MAF: variants seen among roughly 807,000 people sequenced by gnomAD.
MAF encodes the protein MAF bZIP transcription factor, also known as transcription factor Maf.
Under a neutral mutation model 22.0 loss-of-function variants are expected in MAF, and 10 were observed. The observed-to-expected ratio is 0.45, with a 90% CI of 0.28 to 0.77. The LOEUF is 0.77. MAF is among the 30% of genes least tolerant of loss of function. The pLI is 0.12. For missense variants in MAF, 544 were observed against 548.4 expected (o/e 0.99, Z 0.08); for synonymous variants, 337 against 255.8 (o/e 1.32, Z -3.03).
At position 79,594,238 on chromosome 16, in the gene MAF, A is replaced by C; in HGVS notation, c.*222T>G. The C allele has an allele frequency of 5.5e-6, 3 of 541,020 alleles. No homozygotes were observed. In the South Asian group the frequency reaches 6.6e-5, roughly 12 times the overall value. 33.5% of individuals were successfully genotyped at this position (541,020 alleles called of 1,614,324 possible). A position where few individuals can be genotyped will look rare whatever the true frequency, so the allele number is the denominator to read the frequency against. On this transcript the variant is annotated 3_prime_UTR_variant, in exon 2 of 2. Transcript: ENST00000326043. ...AAGCAATGCACCTGTTTACTTGCAC[A>C]CACCATAAATCGAAAAGCAGGAGTG... is the stretch of plus-strand genomic sequence containing the variant.
the MAF span, among the ~76,000 whole-genome samples, chr16:79,442,644 T>A: frequency 1.3e-5 from 2 of 152,210 alleles, no homozygotes; most frequent in South Asian, 2.1e-4. Flanking sequence ...ACTCCTGGGT[T>A]CAAAGGATCC....
the MAF span, among the ~76,000 whole-genome samples, chr16:79,377,589 T>C: frequency 1.3e-5 from 2 of 152,220 alleles, no homozygotes; most frequent in African/African-American, 4.8e-5. Context: ...GTTTTAGACA[T>C]GAAGTCCTTG....
the MAF span, among the ~76,000 whole-genome samples, chr16:79,567,772 T>C: frequency 6.6e-6 from 1 of 152,230 alleles, no homozygotes; most frequent in Non-Finnish European, 1.5e-5. Flanking sequence ...GGCTTTCCTA[T>C]GTCTAGGGAG....
chr16:79,449,324 T>C, the MAF span, among the ~76,000 whole-genome samples: 180 of 152,302 alleles, frequency 1.2e-3, 1 homozygote, highest in South Asian at 0.024. Flanking sequence ...GGCCCGAAGG[T>C]TGGGGAACCC....
the MAF span, among the ~76,000 whole-genome samples, chr16:79,544,902 C>G: frequency 5.9e-5 from 9 of 152,064 alleles, no homozygotes; most frequent in African/African-American, 2.2e-4. Context: ...AGGTGCTAAC[C>G]TAATAACGAG....
At chr16:79,431,121 C>G in the MAF span, among the ~76,000 whole-genome samples, 2 of 152,160 alleles carry the variant, frequency 1.3e-5, no homozygotes, top group Non-Finnish European at 2.9e-5. Flanking sequence ...CCAGGGTACA[C>G]AGCTTGGGGA....
the MAF span, among the ~76,000 whole-genome samples, chr16:79,449,014 G>A: frequency 8.5e-5 from 13 of 152,246 alleles, no homozygotes; most frequent in African/African-American, 3.1e-4. Flanking sequence ...TGGGAACCCC[G>A]AGATTGTTTT....
the MAF span, among the ~76,000 whole-genome samples, chr16:79,574,760 G>A: frequency 2.6e-4 from 39 of 152,266 alleles, 1 homozygote; most frequent in South Asian, 2.5e-3. Context: ...TTACCTGACT[G>A]CCTTGGGCTT....
At chr16:79,283,141 T>G in the MAF span, among the ~76,000 whole-genome samples, 1 of 152,234 alleles carries the variant, frequency 6.6e-6, no homozygotes, top group Non-Finnish European at 1.5e-5. Flanking sequence ...GCATTGTGAA[T>G]GTCCTTCACA....
the MAF span, among the ~76,000 whole-genome samples, chr16:79,537,425 A>G: frequency 0.74 from 112,301 of 152,080 alleles, 44,334 homozygotes; most frequent in Non-Finnish European, 0.88. Flanking sequence ...AAAGGGAGGC[A>G]CTATTGCAAT....
chr16:79,502,908 C>G, the MAF span, among the ~76,000 whole-genome samples: 1 of 150,846 alleles, frequency 6.6e-6, no homozygotes, highest in South Asian at 2.1e-4. Context: ...TCAAATTCAT[C>G]AAACAGTACA....
At chr16:79,338,378 G>C in the MAF span, among the ~76,000 whole-genome samples, 1 of 152,132 alleles carries the variant, frequency 6.6e-6, no homozygotes, top group African/African-American at 2.4e-5. Context: ...TATTCTGTAA[G>C]GGAGTGACAG....
the MAF span, among the ~76,000 whole-genome samples, chr16:79,266,563 A>G: frequency 6.6e-6 from 1 of 152,182 alleles, no homozygotes; most frequent in African/African-American, 2.4e-5. Context: ...TCTTTCTGGA[A>G]ATAGCCATAT....
At chr16:79,212,064 T>TTGGC in the MAF span, 1 of 1,535,768 alleles carries the variant, frequency 6.5e-7, no homozygotes, top group Non-Finnish European at 8.7e-7. Context: ...ACCTGCTTGG[T>TTGGC]GTGTAGGTTC....
the MAF span, among the ~76,000 whole-genome samples, chr16:79,354,041 G>A: frequency 2.0e-5 from 3 of 151,844 alleles, no homozygotes; most frequent in Non-Finnish European, 4.4e-5. Flanking sequence ...CATCACCCAG[G>A]CTGGAGTGCA....
the MAF span, among the ~76,000 whole-genome samples, chr16:79,525,371 C>G: frequency 6.6e-6 from 1 of 152,120 alleles, no homozygotes; most frequent in Non-Finnish European, 1.5e-5. Flanking sequence ...CGGCTCTGTC[C>G]ACGGCCATGC....
chr16:79,328,321 G>C, the MAF span, among the ~76,000 whole-genome samples: 1 of 151,934 alleles, frequency 6.6e-6, no homozygotes, highest in African/African-American at 2.4e-5. Context: ...GCATTTGGAA[G>C]AGCCTAGAGA....
In MAF at chr16:79,600,272, C is replaced by A; in HGVS notation, c.-370G>T. On this transcript the variant is annotated 5_prime_UTR_variant, in exon 1 of 2. Transcript: ENST00000326043. ...CGGCGGCGAAGCTGGAGGAGCCCGG[C>A]CCGGTGCGCGGCGTCCCCCGCTCGC... is the stretch of plus-strand genomic sequence containing the variant. 1 of 233,624 alleles carries A rather than the reference C, an allele frequency of 4.3e-6. No individual in the cohort carries two copies. The highest frequency in any genetic ancestry group is 8.9e-6 in the Non-Finnish European group (1 of 112,984). The allele number at this position is 233,624 out of a possible 1,614,324, so 14.5% of individuals were successfully genotyped here.
the MAF span, among the ~76,000 whole-genome samples, chr16:79,244,054 T>A: frequency 6.6e-6 from 1 of 152,022 alleles, no homozygotes; most frequent in African/African-American, 2.4e-5. Flanking sequence ...TAGGTATTGA[T>A]GGAACGTATC....
Sources: allele counts gnomAD v4.1 joint callset (sites outside exome capture counted in the v4.1 genomes callset), GRCh38; gene constraint gnomAD v4.1.1; transcripts MANE v1.5; gene names NCBI Gene and HGNC (gene_info 2026-07-23, HGNC 2026-07-21).